ARHGEF10: variants seen among roughly 807,000 people sequenced by gnomAD.
ARHGEF10 encodes the protein Rho guanine nucleotide exchange factor 10, also known as Rho guanine nucleotide exchange factor (GEF) 10.
Under a neutral mutation model 147.4 loss-of-function variants are expected in ARHGEF10, and 140 were observed. That is an observed-to-expected ratio of 0.95 (90% CI 0.83 to 1.09). The LOEUF (loss-of-function observed/expected upper bound fraction) is 1.09. ARHGEF10 is among the 50% of genes least tolerant of loss of function. The pLI is 0.00. For synonymous variants in ARHGEF10, 902 were observed against 695.8 expected (o/e 1.30, Z -4.67); for missense variants, 2,222 against 1,752.7 (o/e 1.27, Z -4.78).
rs758763180 is a variant in ARHGEF10 at position 1,893,591 on chromosome 8, G to A, written c.1205G>A (p.Gly402Asp). The change falls in exon 12 of 29, where the codon GGT becomes GAT. Residue 402 changes from glycine (G) to aspartate (D), a missense_variant. Transcript: ENST00000349830. ...QQQVVRRYIL[G>D]SVVDSEKNYV... ...CAGGTTGTAAGAAGATATATACTGG[G>A]TTCAGTTGTCGACAGTGAAAAGAAC... 7 of 1,613,590 alleles carry A rather than the reference G, an allele frequency of 4.3e-6. No individual in the cohort carries two copies. In the East Asian group the frequency reaches 8.9e-5, roughly 21 times the overall value.
chr8:1,926,327 G>A, intron 22 of ARHGEF10, 50 bp from the exon 23 acceptor site: 1 of 1,463,822 alleles, frequency 6.8e-7, no homozygotes, highest in Non-Finnish European at 9.6e-7. Context: ...TAGTCTAGGA[G>A]CCTCTTAGCT....
At chr8:1,896,226 G>T (rs192764902) in intron 13 of ARHGEF10, 107 bp from the exon 14 acceptor site, 2 of 874,966 alleles carry the variant, frequency 2.3e-6, no homozygotes, top group African/African-American at 1.6e-5. Context: ...AAACATCACA[G>T]TGACCGAAAG....
chr8:1,897,332 A>T lies in ARHGEF10; in HGVS notation c.1557+883A>T, dbSNP rs559476787. Among the ~76,000 whole-genome samples, 8 of 152,196 alleles carry T rather than the reference A, an allele frequency of 5.3e-5. No homozygotes were observed. In the East Asian group the frequency reaches 1.5e-3, roughly 29 times the overall value. ...GTGGCCCATGGAGGTTTGCTAAGGG[A>T]TCGGATCGCAGTTCCCACTCTGGAC... On this transcript the variant is annotated intron_variant, in intron 14 of 28. Coordinates refer to ENST00000349830, the MANE Select transcript of ARHGEF10 (RefSeq NM_014629.4).
intron 10 of ARHGEF10, among the ~76,000 whole-genome samples, chr8:1,883,650 G>A (rs1018070657): frequency 3.3e-5 from 5 of 152,142 alleles, no homozygotes; most frequent in Non-Finnish European, 7.3e-5. Flanking sequence ...CAGCATCCCC[G>A]AGGGGTTTAT....
chr8:1,876,522 C>T, intron 7 of ARHGEF10, 49 bp from the exon 8 acceptor site: 3 of 1,573,626 alleles, frequency 1.9e-6, no homozygotes, highest in Non-Finnish European at 2.6e-6. Context: ...CAAAACAGCC[C>T]ACATGGAATT....
intron 2 of ARHGEF10, among the ~76,000 whole-genome samples, chr8:1,845,236 C>T (rs961397408): frequency 6.6e-6 from 1 of 152,208 alleles, no homozygotes; most frequent in Non-Finnish European, 1.5e-5. Flanking sequence ...GGGCAGTGGG[C>T]GTCATCCTGT....
chr8:1,899,444 G>A (rs776989148), intron 15 of ARHGEF10, among the ~76,000 whole-genome samples: 18 of 152,198 alleles, frequency 1.2e-4, no homozygotes, highest in Admixed American at 5.9e-4. Flanking sequence ...TGGAGTCATC[G>A]CCAGAAATGA....
At chr8:1,950,492 G>A (rs928927078) in intron 27 of ARHGEF10, among the ~76,000 whole-genome samples, 5 of 151,978 alleles carry the variant, frequency 3.3e-5, no homozygotes, top group East Asian at 1.9e-4. Flanking sequence ...CATTCATATC[G>A]GGTTTCTACC....
chr8:1,895,305 G>T (rs1163942212), intron 13 of ARHGEF10, among the ~76,000 whole-genome samples: 1 of 152,168 alleles, frequency 6.6e-6, no homozygotes, highest in East Asian at 1.9e-4. Flanking sequence ...GAAACAGATT[G>T]GTTTCTGTAA....
chr8:1,885,551 G>A (rs780300546), intron 10 of ARHGEF10, 50 bp from the exon 11 acceptor site: 2 of 1,318,352 alleles, frequency 1.5e-6, no homozygotes, highest in African/African-American at 2.9e-5. Flanking sequence ...GTAGTGTTGT[G>A]AATATATTAT....
chr8:1,835,838 C>T (rs1028113592), intron 1 of ARHGEF10, among the ~76,000 whole-genome samples: 3 of 152,184 alleles, frequency 2.0e-5, no homozygotes, highest in Admixed American at 6.5e-5. Flanking sequence ...CCTTCAGCCT[C>T]GGTGTCTCTG....
chr8:1,832,797 GGC>G (rs1563148697), intron 1 of ARHGEF10, among the ~76,000 whole-genome samples: 3,525 of 87,112 alleles, frequency 0.04, 379 homozygotes, highest in African/African-American at 0.068. Flanking sequence ...GAGAGACAGA[GGC>G]AGAGGCAGAG....
intron 27 of ARHGEF10, 157 bp downstream of exon 27, chr8:1,945,812 G>A (rs1048007553): frequency 6.1e-6 from 7 of 1,139,244 alleles, no homozygotes; most frequent in Admixed American, 1.8e-5. Context: ...AGGGACAGAC[G>A]TGGGAGTACG....
At position 1,955,180 on chromosome 8, in the gene ARHGEF10, C is replaced by T. The variant is rs374918419; in HGVS notation, c.3521-1569C>T. 1.3e-3 allele frequency among the ~76,000 whole-genome samples: 176 copies of T among 138,282 alleles called. 3 individuals are homozygous for T. Among genetic ancestry groups the T allele is most frequent in the African/African-American group, 4.3e-3 (149 of 34,926 alleles). The allele number at this position is 138,282 out of a possible 152,430, so 90.7% of individuals were successfully genotyped here. On this transcript the variant is annotated intron_variant, in intron 28 of 28. Transcript: ENST00000349830. ...GCCAGGTGCTCCCTGAAAGGAGGTG[C>T]ACTCTCACTGTTTCTCTGGATGGGT... is the stretch of plus-strand genomic sequence containing the variant.
chr8:1,911,810 C>T (rs145159143), intron 18 of ARHGEF10, among the ~76,000 whole-genome samples: 17 of 152,346 alleles, frequency 1.1e-4, no homozygotes, highest in African/African-American at 4.1e-4. Context: ...TGACAAAACC[C>T]AGGTACATCC....
chr8:1,931,951 C>G (rs186679785), intron 25 of ARHGEF10, among the ~76,000 whole-genome samples: 73 of 152,278 alleles, frequency 4.8e-4, no homozygotes, highest in African/African-American at 1.3e-3. Context: ...AGGGAAACGT[C>G]TGAAGTAGGC....
chr8:1,930,882 G>A (rs1364587152), intron 25 of ARHGEF10, among the ~76,000 whole-genome samples: 3 of 152,232 alleles, frequency 2.0e-5, no homozygotes, highest in Non-Finnish European at 4.4e-5. Context: ...CAGCCATCTG[G>A]AGTGTGACCC....
chr8:1,957,440 T>A lies in ARHGEF10; in HGVS notation c.*177T>A, dbSNP rs1343424935. 1.1e-6 allele frequency: 1 copy of A among 886,834 alleles called. No individual in the cohort carries two copies. The highest frequency in any genetic ancestry group is 1.7e-6 in the Non-Finnish European group (1 of 588,938). The allele number at this position is 886,834 out of a possible 1,614,324, so 54.9% of individuals were successfully genotyped here. On this transcript the variant is annotated 3_prime_UTR_variant, in exon 29 of 29. Coordinates refer to ENST00000349830, the MANE Select transcript of ARHGEF10 (RefSeq NM_014629.4). ...TGTCCCTGCCAATTCCTTCCTTCTC[T>A]TCTGTACAGCAGAAGTAATTACAAG...
intron 1 of ARHGEF10, among the ~76,000 whole-genome samples, chr8:1,840,505 ACTGTCCGGTGTGGAAT>A (rs1334202625): frequency 2.2e-5 from 3 of 138,122 alleles, no homozygotes; most frequent in Admixed American, 7.4e-5. Flanking sequence ...CGGTGTGGGG[ACTGTCCGGTGTGGAAT>A]CTGTCCGGTG....
Sources: allele counts gnomAD v4.1 joint callset (sites outside exome capture counted in the v4.1 genomes callset), GRCh38; gene constraint gnomAD v4.1.1; transcripts MANE v1.5; gene names NCBI Gene and HGNC (gene_info 2026-07-23, HGNC 2026-07-21).